Variants in TAS2R16 observed in about 807,000 individuals in gnomAD.
TAS2R16 encodes taste 2 receptor member 16, also known as taste receptor type 2 member 16.
In TAS2R16, 5 loss-of-function variants were observed where a neutral mutation model predicts 5.0. The observed-to-expected ratio is 1.00, with a 90% CI of 0.52 to 2.11. The LOEUF is 2.11. TAS2R16 is among the 30% of genes most tolerant of loss of function. The probability of loss-of-function intolerance (pLI) is 0.01; values close to 1 mark genes in which losing one functional copy is unlikely to be tolerated. For missense variants in TAS2R16, 363 were observed against 341.3 expected (o/e 1.06, Z -0.50); for synonymous variants, 142 against 123.3 (o/e 1.15, Z -1.00).
chr7:122,994,982 C>T lies in TAS2R16; in HGVS notation c.653G>A (p.Ser218Asn). 1.2e-6 allele frequency: 2 copies of T among 1,613,742 alleles called. No individual in the cohort carries two copies. Among genetic ancestry groups the T allele is most frequent in the Non-Finnish European group, 1.7e-6 (2 of 1,179,802 alleles). ...QHHSTGHCNPSMKARFTALRS... is the reference protein window; with the variant it reads ...QHHSTGHCNPNMKARFTALRS... ...CAGGGCAGTGAAGCGCGCTTTCATG[C>T]TTGGATTGCAGTGACCAGTGCTATG... The change falls in exon 1 of 1, where the codon AGC becomes AAC. Residue 218 changes from serine (S) to asparagine (N), a missense_variant. Physicochemically the swap from Ser to Asn is conservative, Grantham distance 46. Coordinates refer to ENST00000249284, the MANE Select transcript of TAS2R16 (RefSeq NM_016945.3).
At position 122,995,676 on chromosome 7, in the gene TAS2R16, C is replaced by A; in HGVS notation, c.-42G>T. ...GTCTTCCTGGACAAAGACTCTGAAT[C>A]TCTGTACCAATTTCCAGGTAGAGAA... On this transcript the variant is annotated 5_prime_UTR_variant, in exon 1 of 1. Coordinates refer to ENST00000249284, the MANE Select transcript of TAS2R16 (RefSeq NM_016945.3). 1 of 1,498,132 alleles carries A rather than the reference C, an allele frequency of 6.7e-7. No individual in the cohort carries two copies. Among genetic ancestry groups the A allele is most frequent in the South Asian group, 1.4e-5 (1 of 70,644 alleles). 92.8% of individuals were successfully genotyped at this position (1,498,132 alleles called of 1,614,324 possible).
At position 122,995,379 on chromosome 7, in the gene TAS2R16, C is replaced by T; in HGVS notation, c.256G>A (p.Glu86Lys). The T allele has an allele frequency of 6.2e-7, 1 of 1,613,526 alleles. No individual in the cohort carries two copies. The highest frequency in any genetic ancestry group is 8.5e-7 in the Non-Finnish European group (1 of 1,179,814). Reference protein sequence around the residue: ...YVLCNLTITWEFFNILTFWLN... With the variant: ...YVLCNLTITWKFFNILTFWLN... ...CAGAATGTAAGGATATTAAAAAATT[C>T]CCAGGTGATTGTTAAGTTGCAAAGT... The change falls in exon 1 of 1, where the codon GAA (glutamate) becomes AAA (lysine). Residue 86 changes from glutamate (E) to lysine (K), a missense_variant. Coordinates refer to ENST00000249284, the MANE Select transcript of TAS2R16 (RefSeq NM_016945.3).
In TAS2R16 at chr7:122,994,803, G is replaced by A. The variant is rs529147997; in HGVS notation, c.832C>T (p.Leu278=). The A allele has an allele frequency of 3.7e-6, 6 of 1,604,574 alleles. No homozygotes were observed. The South Asian group carries it at 4.5e-5, about 12-fold the overall frequency. ...ATCCTTTTCAACGTAGGGCTGCTCA[G>A]CATCAGTGAAGTGGAATGCATTAAG... ...FILMHSTSLM[L]SSPTLKRILK... The change falls in exon 1 of 1, where the codon CTG becomes TTG. Residue 278 remains leucine (L), a synonymous_variant. Coordinates refer to ENST00000249284, the MANE Select transcript of TAS2R16 (RefSeq NM_016945.3).
chr7:122,995,142 T>C lies in TAS2R16; in HGVS notation c.493A>G (p.Thr165Ala), dbSNP rs1204816144. 4.3e-6 allele frequency: 7 copies of C among 1,613,884 alleles called. No homozygotes were observed. The highest frequency in any genetic ancestry group is 5.1e-6 in the Non-Finnish European group (6 of 1,179,896). Residue 165 changes from threonine to alanine, a missense_variant, in exon 1 of 1, where the codon ACT becomes GCT. Physicochemically the swap from Thr to Ala is moderately conservative, Grantham distance 58. Transcript: ENST00000249284. ...AAATTTTCAAGTTTGTCAGTTACAG[T>C]GCTGTTTCTTGGTAGATGCTCCATG... ...LTMEHLPRNS[T>A]VTDKLENFHQ...
rs28371576 is a variant in TAS2R16, at chr7:122,995,154, G to A, written c.481C>T (p.Pro161Ser). ...TTGTCAGTTACAGTGCTGTTTCTTG[G>A]TAGATGCTCCATGGTGAGTAACTGA... ...QIQLLTMEHL[P>S]RNSTVTDKLE... is the part of the protein sequence containing the mutation. Residue 161 changes from proline to serine, a missense_variant, in exon 1 of 1, where the codon CCA (proline) becomes TCA (serine). Transcript: ENST00000249284. The A allele has an allele frequency of 1.4e-4, 234 of 1,613,828 alleles. 1 individual carries two copies. In the African/African-American group the frequency reaches 2.8e-3, roughly 19 times the overall value.
At position 122,994,709 on chromosome 7, in the gene TAS2R16, T is replaced by C. The variant is rs1585225731; in HGVS notation, c.*50A>G. ...CAATACTCTCTTCTGGTATTAATTA[T>C]ATCAATTGCTCGGGAGTCTTTTATC... is the stretch of plus-strand genomic sequence containing the variant. On this transcript the variant is annotated 3_prime_UTR_variant, in exon 1 of 1. Transcript: ENST00000249284. The C allele has an allele frequency of 6.6e-7, 1 of 1,508,696 alleles. No individual in the cohort carries two copies. Among genetic ancestry groups the C allele is most frequent in the East Asian group, 2.3e-5 (1 of 43,990 alleles). 93.5% of individuals were successfully genotyped at this position (1,508,696 alleles called of 1,614,324 possible).
rs1424751478 is a variant in TAS2R16 at position 122,994,886 on chromosome 7, G to C, written c.749C>G (p.Thr250Ser). The C allele has an allele frequency of 1.2e-6, 2 of 1,613,488 alleles. No homozygotes were observed. The highest frequency in any genetic ancestry group is 1.7e-6 in the Non-Finnish European group (2 of 1,179,762). Residue 250 changes from threonine to serine, a missense_variant, in exon 1 of 1, where the codon ACT (threonine) becomes AGT (serine). Physicochemically the swap from Thr to Ser is moderately conservative, Grantham distance 58. Transcript: ENST00000249284. ...FLTILITIIG[T>S]LFDKRCWLWV... ...TAACCAACATCTCTTATCAAATAGA[G>C]TACCTATAATGGTGATGAGTATGGT...
Position 122,995,626 on chromosome 7 carries a change from G to A in TAS2R16, c.9C>T (p.Pro3=). The change falls in exon 1 of 1, where the codon CCC becomes CCT. Residue 3 remains proline, a synonymous_variant. Coordinates refer to ENST00000249284, the MANE Select transcript of TAS2R16 (RefSeq NM_016945.3). ...TCATGAAGAAGACAGTGAGTTGGATGGGTATCATTCTTCTACTCCAAAGTG... is the reference window on the plus strand; with the variant it reads ...TCATGAAGAAGACAGTGAGTTGGATAGGTATCATTCTTCTACTCCAAAGTG... MI[P]IQLTVFFMII... 1.3e-6 allele frequency: 2 copies of A among 1,547,960 alleles called. No homozygotes were observed. Among genetic ancestry groups the A allele is most frequent in the Non-Finnish European group, 8.7e-7 (1 of 1,148,698 alleles).
chr7:122,995,376 A>G lies in TAS2R16; in HGVS notation c.259T>C (p.Phe87Leu), dbSNP rs1825957383. Residue 87 changes from phenylalanine (F) to leucine (L), a missense_variant, in exon 1 of 1, where the codon TTT becomes CTT. Phe to Leu is a conservative substitution (Grantham distance 22). Transcript: ENST00000249284. ...VLCNLTITWE[F>L]FNILTFWLNS... ...AACCAGAATGTAAGGATATTAAAAA[A>G]TTCCCAGGTGATTGTTAAGTTGCAA... is the stretch of plus-strand genomic sequence containing the variant. The G allele has an allele frequency of 1.9e-6, 3 of 1,613,634 alleles. No individual in the cohort carries two copies. The highest frequency in any genetic ancestry group is 2.5e-6 in the Non-Finnish European group (3 of 1,179,840).
rs2141950880 is a variant in TAS2R16, at chr7:122,995,561, C to T, written c.74G>A (p.Ser25Asn). 1 of 1,608,696 alleles carries T rather than the reference C, an allele frequency of 6.2e-7. No individual in the cohort carries two copies. Among genetic ancestry groups the T allele is most frequent in the East Asian group, 2.2e-5 (1 of 44,768 alleles). The change falls in exon 1 of 1, where the codon AGC becomes AAC. Residue 25 changes from serine (S) to asparagine (N), a missense_variant. Physicochemically the swap from Ser to Asn is conservative, Grantham distance 46. Transcript: ENST00000249284. ...VLESLTIIVQSSLIVAVLGRE... is the reference protein window; with the variant it reads ...VLESLTIIVQNSLIVAVLGRE... Reference sequence around the variant, plus strand: ...GCCCAGCACTGCAACAATTAGGCTGCTCTGCACAATAATTGTCAAGGACTC... The same window carrying T: ...GCCCAGCACTGCAACAATTAGGCTGTTCTGCACAATAATTGTCAAGGACTC...
chr7:122,995,581 G>T lies in TAS2R16; in HGVS notation c.54C>A (p.Ser18=). ...VFFMIIYVLE[S]LTIIVQSSLI... ...GGCTGCTCTGCACAATAATTGTCAA[G>T]GACTCAAGCACATAGATGATCATGA... Residue 18 remains serine (S), a synonymous_variant, in exon 1 of 1, where the codon TCC becomes TCA. Transcript: ENST00000249284. The T allele has an allele frequency of 6.3e-7, 1 of 1,597,034 alleles. No homozygotes were observed. Among genetic ancestry groups the T allele is most frequent in the Admixed American group, 1.8e-5 (1 of 57,032 alleles).
rs1481029685 is a variant in TAS2R16 at position 122,994,799 on chromosome 7, C to T, written c.836G>A (p.Ser279Asn). 6.9e-6 allele frequency: 11 copies of T among 1,602,190 alleles called. No homozygotes were observed. Among genetic ancestry groups the T allele is most frequent in the Admixed American group, 1.7e-5 (1 of 58,464 alleles). Residue 279 changes from serine (S) to asparagine (N), a missense_variant, in exon 1 of 1, where the codon AGC becomes AAC. Transcript: ENST00000249284. ...ILMHSTSLML[S>N]SPTLKRILKG... ...TAGAATCCTTTTCAACGTAGGGCTG[C>T]TCAGCATCAGTGAAGTGGAATGCAT...
Position 122,995,102 on chromosome 7 carries a change from A to T in TAS2R16, c.533T>A (p.Phe178Tyr). 1 of 1,613,898 alleles carries T rather than the reference A, an allele frequency of 6.2e-7. No homozygotes were observed. Among genetic ancestry groups the T allele is most frequent in the Non-Finnish European group, 8.5e-7 (1 of 1,179,884 alleles). ...DKLENFHQYQ[F>Y]QAHTVALVIP... ...AACCAATGCAACTGTATGAGCCTGG[A>T]ACTGATACTGATGAAAATTTTCAAG... is the stretch of plus-strand genomic sequence containing the variant. Residue 178 changes from phenylalanine (F) to tyrosine (Y), a missense_variant, in exon 1 of 1, where the codon TTC becomes TAC. By Grantham distance (22) the Phe-to-Tyr change is conservative (BLOSUM62 3). Transcript: ENST00000249284.
chr7:122,995,389 T>C lies in TAS2R16; in HGVS notation c.246A>G (p.Thr82=), dbSNP rs1295741269. 6.2e-7 allele frequency: 1 copy of C among 1,613,564 alleles called. No homozygotes were observed. Among genetic ancestry groups the C allele is most frequent in the East Asian group, 2.2e-5 (1 of 44,730 alleles). ...FNLNYVLCNL[T]ITWEFFNILT... ...GGATATTAAAAAATTCCCAGGTGAT[T>C]GTTAAGTTGCAAAGTACATAATTCA... Residue 82 remains threonine (T), a synonymous_variant, in exon 1 of 1, where the codon ACA becomes ACG. Transcript: ENST00000249284.
chr7:122,995,334 CG>C, the TAS2R16 span: 1 of 1,613,598 alleles, frequency 6.2e-7, no homozygotes, highest in Non-Finnish European at 8.5e-7. Context: ...CAGTAGAACA[CG>C]GTAAGCAAGC....
At position 122,995,083 on chromosome 7, in the gene TAS2R16, T is replaced by C; in HGVS notation, c.552A>G (p.Ala184=). 1 of 1,613,856 alleles carries C rather than the reference T, an allele frequency of 6.2e-7. No homozygotes were observed. The highest frequency in any genetic ancestry group is 8.5e-7 in the Non-Finnish European group (1 of 1,179,878). ...GGAACAGGATGAAAGGAATAACCAA[T>C]GCAACTGTATGAGCCTGGAACTGAT... is the stretch of plus-strand genomic sequence containing the variant. ...HQYQFQAHTV[A]LVIPFILFLA... is the part of the protein sequence containing the mutation. Residue 184 remains alanine (A), a synonymous_variant, in exon 1 of 1, where the codon GCA becomes GCG. Coordinates refer to ENST00000249284, the MANE Select transcript of TAS2R16 (RefSeq NM_016945.3).
chr7:122,994,972 C>A lies in TAS2R16; in HGVS notation c.663G>T (p.Ala221=), dbSNP rs150899693. 2.7e-5 allele frequency: 44 copies of A among 1,613,672 alleles called. No individual in the cohort carries two copies. The African/African-American group carries it at 4.4e-4, about 16-fold the overall frequency. The change falls in exon 1 of 1, where the codon GCG becomes GCT. Residue 221 remains alanine, a synonymous_variant. Coordinates refer to ENST00000249284, the MANE Select transcript of TAS2R16 (RefSeq NM_016945.3). ...STGHCNPSMK[A]RFTALRSLAV... is the part of the protein sequence containing the mutation. ...CAAGGGACCTCAGGGCAGTGAAGCGCGCTTTCATGCTTGGATTGCAGTGAC... is the reference window on the plus strand; with the variant it reads ...CAAGGGACCTCAGGGCAGTGAAGCGAGCTTTCATGCTTGGATTGCAGTGAC...
At position 122,995,244 on chromosome 7, in the gene TAS2R16, G is replaced by C; in HGVS notation, c.391C>G (p.Leu131Val). ...ACACAAGTAATCATCAGAGAACCCA[G>C]TAATATCCAGGGAAACAACCTCAAA... ...RILRLFPWIL[L>V]GSLMITCVTI... Residue 131 changes from leucine (L) to valine (V), a missense_variant, in exon 1 of 1, where the codon CTG becomes GTG. Leu to Val is a conservative substitution (Grantham distance 32, BLOSUM62 1). Transcript: ENST00000249284. 1.9e-6 allele frequency: 3 copies of C among 1,613,732 alleles called. No homozygotes were observed. Among genetic ancestry groups the C allele is most frequent in the Non-Finnish European group, 2.5e-6 (3 of 1,179,866 alleles).
At position 122,994,724 on chromosome 7, in the gene TAS2R16, A is replaced by C. The variant is rs746680926; in HGVS notation, c.*35T>G. The C allele has an allele frequency of 1.3e-6, 2 of 1,517,418 alleles. No homozygotes were observed. The highest frequency in any genetic ancestry group is 4.5e-5 in the East Asian group (2 of 44,100). The allele number at this position is 1,517,418 out of a possible 1,614,324, so 94.0% of individuals were successfully genotyped here. On this transcript the variant is annotated 3_prime_UTR_variant, in exon 1 of 1. Transcript: ENST00000249284. ...GTATTAATTATATCAATTGCTCGGG[A>C]GTCTTTTATCCTGTGCCTCAGGCAA...
Sources: gnomAD v4.1 joint callset for allele counts on GRCh38, gnomAD v4.1.1 for gene constraint, MANE v1.5 for transcripts, NCBI Gene and HGNC (gene_info 2026-07-23, HGNC 2026-07-21) for gene names.